Variants in MAF observed in about 807,000 individuals in gnomAD.
The protein encoded by MAF is MAF bZIP transcription factor, also known as transcription factor Maf.
In MAF, 10 loss-of-function variants were observed where a neutral mutation model predicts 22.0. That is an observed-to-expected ratio of 0.45 (90% confidence interval 0.28 to 0.77). The LOEUF (loss-of-function observed/expected upper bound fraction) is 0.77, where lower values mean the gene tolerates loss of function less well. Among genes scored for constraint, MAF ranks in the 30% least tolerant of loss-of-function variants. MAF has a pLI of 0.12. For missense variants in MAF, 544 were observed against 548.4 expected, an observed-to-expected ratio of 0.99 and a Z score of 0.08; for synonymous variants, 337 against 255.8, an observed-to-expected ratio of 1.32 and a Z score of -3.03.
intron 1 of MAF, chr16:79,594,755 A>G (rs1913413946): frequency 2.9e-6 from 4 of 1,370,070 alleles, no homozygotes; most frequent in African/African-American, 1.5e-5. Flanking sequence ...ACTATACTTC[A>G]AAGTTTTCAG....
chr16:79,363,521 A>C, the MAF span, among the ~76,000 whole-genome samples: 1 of 152,242 alleles, frequency 6.6e-6, no homozygotes, highest in Non-Finnish European at 1.5e-5. Flanking sequence ...CTTACTAGTG[A>C]AAAACAGAAT....
the MAF span, among the ~76,000 whole-genome samples, chr16:79,211,134 C>A: frequency 6.6e-6 from 1 of 151,920 alleles, no homozygotes; most frequent in Admixed American, 6.6e-5. Context: ...GATGATCTGG[C>A]AGCAGCCCCA....
chr16:79,244,702 A>C, the MAF span, among the ~76,000 whole-genome samples: 1 of 152,074 alleles, frequency 6.6e-6, no homozygotes, highest in African/African-American at 2.4e-5. Context: ...TTCTTCACAG[A>C]ATTAGAAAAA....
chr16:79,546,469 T>TG, the MAF span, among the ~76,000 whole-genome samples: 3 of 152,340 alleles, frequency 2.0e-5, no homozygotes, highest in South Asian at 6.2e-4. Context: ...AGTGATAAGA[T>TG]GGTTTTCAAC....
At chr16:79,218,549 C>T in the MAF span, among the ~76,000 whole-genome samples, 1 of 152,130 alleles carries the variant, frequency 6.6e-6, no homozygotes, top group South Asian at 2.1e-4. Context: ...CAGGCAGAAC[C>T]AGCATATTAC....
At chr16:79,283,297 T>G in the MAF span, among the ~76,000 whole-genome samples, 6 of 152,222 alleles carry the variant, frequency 3.9e-5, no homozygotes, top group Non-Finnish European at 8.8e-5. Context: ...CCATGTTACA[T>G]TAGACATATG....
At chr16:79,283,477 T>C in the MAF span, among the ~76,000 whole-genome samples, 1 of 152,252 alleles carries the variant, frequency 6.6e-6, no homozygotes. Flanking sequence ...AAATGCTTAA[T>C]TTGTAGTCCC....
chr16:79,359,653 AT>A, the MAF span, among the ~76,000 whole-genome samples: 2 of 152,188 alleles, frequency 1.3e-5, no homozygotes, highest in East Asian at 1.9e-4. Flanking sequence ...AAATAATCTG[AT>A]TTTTTTGATT....
At chr16:79,537,129 G>C in the MAF span, among the ~76,000 whole-genome samples, 478 of 152,302 alleles carry the variant, frequency 3.1e-3, 4 homozygotes, top group African/African-American at 0.011. Flanking sequence ...TCAACTGCCA[G>C]ATCAGCACAT....
chr16:79,458,434 G>C, the MAF span, among the ~76,000 whole-genome samples: 6 of 152,052 alleles, frequency 3.9e-5, no homozygotes, highest in African/African-American at 1.4e-4. Context: ...ATTTCATGAG[G>C]AGTCATTTTT....
chr16:79,470,861 C>A, the MAF span, among the ~76,000 whole-genome samples: 2 of 152,158 alleles, frequency 1.3e-5, no homozygotes, highest in Non-Finnish European at 2.9e-5. Context: ...CTATTTGTCA[C>A]CATTTCTCAT....
chr16:79,289,714 G>C, the MAF span, among the ~76,000 whole-genome samples: 1 of 152,138 alleles, frequency 6.6e-6, no homozygotes, highest in Non-Finnish European at 1.5e-5. Flanking sequence ...GCTGAGAGAA[G>C]TCAAATCATT....
the MAF span, among the ~76,000 whole-genome samples, chr16:79,314,978 G>A: frequency 4.6e-5 from 7 of 152,352 alleles, no homozygotes; most frequent in South Asian, 8.3e-4. Context: ...TTGTTCCTCT[G>A]CAGTATTGAG....
chr16:79,507,270 T>C, the MAF span, among the ~76,000 whole-genome samples: 1 of 150,786 alleles, frequency 6.6e-6, no homozygotes, highest in Non-Finnish European at 1.5e-5. Flanking sequence ...CCCACCACCA[T>C]GCCTGGCTAA....
chr16:79,225,036 A>G, the MAF span, among the ~76,000 whole-genome samples: 1 of 152,218 alleles, frequency 6.6e-6, no homozygotes, highest in Non-Finnish European at 1.5e-5. Flanking sequence ...TGGAACCAAA[A>G]AAGAGCCCAC....
chr16:79,585,362 T>G (rs1310843502), downstream of MAF, among the ~76,000 whole-genome samples: 22 of 152,244 alleles, frequency 1.4e-4, no homozygotes. Context: ...GGGGACACAC[T>G]GTGCTTTGAA....
the MAF span, among the ~76,000 whole-genome samples, chr16:79,511,284 A>G: frequency 5.3e-5 from 8 of 152,178 alleles, no homozygotes; most frequent in African/African-American, 1.7e-4. Flanking sequence ...AAGATCCCCC[A>G]ACACGTCATT....
chr16:79,390,589 T>A, the MAF span, among the ~76,000 whole-genome samples: 4 of 152,320 alleles, frequency 2.6e-5, no homozygotes, highest in Admixed American at 6.5e-5. Context: ...AAACCAATTA[T>A]GAAAAACCCG....
chr16:79,220,389 T>G, the MAF span, among the ~76,000 whole-genome samples: 7 of 152,116 alleles, frequency 4.6e-5, 1 homozygote, highest in Middle Eastern at 6.3e-3. Flanking sequence ...CTGTGGTACA[T>G]TTTTTATGCA....
Sources: gnomAD v4.1 joint callset for allele counts (sites outside exome capture counted in the v4.1 genomes callset) on GRCh38, gnomAD v4.1.1 for gene constraint, MANE v1.5 for transcripts, NCBI Gene and HGNC (gene_info 2026-07-23, HGNC 2026-07-21) for gene names.